TPST1: variants seen among roughly 807,000 people sequenced by gnomAD.
TPST1 encodes protein-tyrosine sulfotransferase 1.
Under a neutral mutation model 34.8 loss-of-function variants are expected in TPST1, and 20 were observed. That is an observed-to-expected ratio of 0.57 (90% confidence interval 0.40 to 0.84). TPST1 has a LOEUF of 0.84. TPST1 is among the 40% of genes least tolerant of loss of function. The pLI, the probability that TPST1 is intolerant of heterozygous loss-of-function variation, is 0.00. For synonymous variants in TPST1, 152 were observed against 159.4 expected (o/e 0.95, Z 0.35); for missense variants, 353 against 455.5 (o/e 0.78, Z 2.05).
intron 3 of TPST1, among the ~76,000 whole-genome samples, chr7:66,318,253 T>C (rs1791675436): frequency 6.6e-6 from 1 of 152,146 alleles, no homozygotes; most frequent in Non-Finnish European, 1.5e-5. Context: ...ATCCTAACTC[T>C]GATAACTACC....
chr7:66,346,773 A>C (rs1485162570), intron 3 of TPST1, among the ~76,000 whole-genome samples: 2 of 151,324 alleles, frequency 1.3e-5, no homozygotes, highest in Non-Finnish European at 2.9e-5. Context: ...CATTTGGGGG[A>C]TTGTCACTTC....
At chr7:66,343,738 G>C (rs2116340088) in intron 3 of TPST1, among the ~76,000 whole-genome samples, 1 of 152,250 alleles carries the variant, frequency 6.6e-6, no homozygotes, top group South Asian at 2.1e-4. Context: ...ATGCTAAAAG[G>C]CAAAAATCAA....
chr7:66,254,469 T>C (rs1261345590), intron 2 of TPST1, among the ~76,000 whole-genome samples: 1 of 152,178 alleles, frequency 6.6e-6, no homozygotes, highest in African/African-American at 2.4e-5. Context: ...AGTGGTGCGA[T>C]CTCAGCTCAC....
chr7:66,241,038 C>T lies in TPST1; in HGVS notation c.613C>T (p.Leu205=), dbSNP rs774549512. The change falls in exon 2 of 6, where the codon CTG becomes TTG. Residue 205 remains leucine, a synonymous_variant. Transcript: ENST00000304842. ...SRKVTIAGFD[L]NSYRDCLTKW... is the part of the protein sequence containing the mutation. The stretch of plus-strand genomic sequence containing the variant: ...AAAAGTTACTATAGCTGGATTTGAT[C>T]TGAACAGCTATAGGGACTGTTTGAC... 5.0e-6 allele frequency: 8 copies of T among 1,614,096 alleles called. No individual in the cohort carries two copies. Among genetic ancestry groups the T allele is most frequent in the Non-Finnish European group, 6.8e-6 (8 of 1,180,044 alleles).
intron 3 of TPST1, among the ~76,000 whole-genome samples, chr7:66,317,887 G>A (rs1011169189): frequency 2.0e-5 from 3 of 152,066 alleles, no homozygotes; most frequent in African/African-American, 4.8e-5. Context: ...GGCCAGGCAC[G>A]GTGGCTCATG....
intron 1 of TPST1, among the ~76,000 whole-genome samples, chr7:66,217,483 C>T (rs1389161389): frequency 6.6e-6 from 1 of 152,114 alleles, no homozygotes; most frequent in Non-Finnish European, 1.5e-5. Flanking sequence ...TCTTAAAGTG[C>T]ATTGTATCTG....
At chr7:66,351,253 G>A (rs538845998) in intron 3 of TPST1, among the ~76,000 whole-genome samples, 3 of 152,190 alleles carry the variant, frequency 2.0e-5, no homozygotes, top group Non-Finnish European at 2.9e-5. Flanking sequence ...AGATTCATCT[G>A]TGTTGTTGCT....
chr7:66,240,455 A>G lies in TPST1; in HGVS notation c.30A>G (p.Leu10=), dbSNP rs138185296. The G allele has an allele frequency of 3.4e-4, 542 of 1,613,984 alleles. No individual in the cohort carries two copies. The highest frequency in any genetic ancestry group is 3.4e-4 in the Non-Finnish European group (398 of 1,179,994). The change falls in exon 2 of 6, where the codon CTA becomes CTG. Residue 10 remains leucine, a synonymous_variant. Transcript: ENST00000304842. MVGKLKQNL[L]LACLVISSVT... ...TTGGAAAGCTGAAGCAGAACTTACTATTGGCATGTCTGGTGATTAGTTCTG... is the reference window on the plus strand; with the variant it reads ...TTGGAAAGCTGAAGCAGAACTTACTGTTGGCATGTCTGGTGATTAGTTCTG...
chr7:66,357,020 A>AT, intron 5 of TPST1, 149 bp downstream of exon 5: 1 of 675,074 alleles, frequency 1.5e-6, no homozygotes, highest in Non-Finnish European at 2.6e-6. Flanking sequence ...AAGCAAGCAC[A>AT]TTACTTCACC....
chr7:66,200,859 T>G (rs1199837175), upstream of TPST1, among the ~76,000 whole-genome samples: 1 of 152,150 alleles, frequency 6.6e-6, no homozygotes, highest in Admixed American at 6.6e-5. Context: ...CCCGAGTTGC[T>G]GGGATTACAG....
chr7:66,216,044 G>GGCA (rs1469654086), intron 1 of TPST1, among the ~76,000 whole-genome samples: 10 of 152,012 alleles, frequency 6.6e-5, no homozygotes, highest in Admixed American at 3.3e-4. Flanking sequence ...GTGCTGGGAT[G>GGCA]TGAGCCACCG....
intron 1 of TPST1, among the ~76,000 whole-genome samples, chr7:66,215,872 A>G (rs1192429495): frequency 2.7e-5 from 4 of 145,960 alleles, no homozygotes; most frequent in African/African-American, 1.0e-4. Flanking sequence ...TCCTGGGTTC[A>G]CGCCATTCTC....
chr7:66,313,798 C>T (rs1341935254), intron 3 of TPST1, among the ~76,000 whole-genome samples: 1 of 152,116 alleles, frequency 6.6e-6, no homozygotes. Context: ...CTCTCTTTCT[C>T]TCTCCTTATA....
At chr7:66,323,474 G>A (rs958791200) in intron 3 of TPST1, among the ~76,000 whole-genome samples, 1 of 152,104 alleles carries the variant, frequency 6.6e-6, no homozygotes, top group African/African-American at 2.4e-5. Flanking sequence ...TTGAGATGAT[G>A]TGTTTTTCTT....
intron 3 of TPST1, among the ~76,000 whole-genome samples, chr7:66,346,331 T>G (rs578177789): frequency 6.6e-6 from 1 of 152,264 alleles, no homozygotes; most frequent in South Asian, 2.1e-4. Flanking sequence ...TCCCTTCTTT[T>G]GGGTATATTC....
intron 1 of TPST1, among the ~76,000 whole-genome samples, chr7:66,224,898 A>ATTTTTTTTTTTTT (rs1385577766): frequency 2.2e-5 from 1 of 46,144 alleles, no homozygotes; most frequent in African/African-American, 7.8e-5. Flanking sequence ...ACATTCTGGT[A>ATTTTTTTTTTTTT]TTCTTTTTTT....
intron 3 of TPST1, among the ~76,000 whole-genome samples, chr7:66,347,229 GGCT>G (rs1792374968): frequency 1.3e-5 from 2 of 151,578 alleles, no homozygotes; most frequent in Non-Finnish European, 2.9e-5. Context: ...CACCATGCCT[GGCT>G]AATTTTTGTA....
chr7:66,280,366 G>A lies in TPST1; in HGVS notation c.846-6145G>A, dbSNP rs78947588. ...GTAGGTCATGGGTCTGACACACATG[G>A]TTCAAGTTTTCGTGGCTATTGTGAA... On this transcript the variant is annotated intron_variant, in intron 2 of 5. Coordinates refer to ENST00000304842, the MANE Select transcript of TPST1 (RefSeq NM_003596.4). Among the ~76,000 whole-genome samples, 1,063 of 152,306 alleles carry A rather than the reference G, an allele frequency of 7.0e-3. 19 individuals carry two copies. Among genetic ancestry groups the A allele is most frequent in the East Asian group, 0.04 (207 of 5,184 alleles).
chr7:66,248,383 T>G (rs1790193818), intron 2 of TPST1, among the ~76,000 whole-genome samples: 1 of 152,130 alleles, frequency 6.6e-6, no homozygotes, highest in South Asian at 2.1e-4. Context: ...GAAGTGAAGC[T>G]CATGGAATTG....
Sources: gnomAD v4.1 joint callset for allele counts (sites outside exome capture counted in the v4.1 genomes callset) on GRCh38, gnomAD v4.1.1 for gene constraint, MANE v1.5 for transcripts, NCBI Gene and HGNC (gene_info 2026-07-23, HGNC 2026-07-21) for gene names.